Variants in MIDEAS observed in about 807,000 individuals in gnomAD.
The protein encoded by MIDEAS is mitotic deacetylase-associated SANT domain protein.
Under a neutral mutation model 102.7 loss-of-function variants are expected in MIDEAS, and 26 were observed. The observed-to-expected ratio is 0.25, with a 90% CI of 0.19 to 0.35. MIDEAS has a LOEUF of 0.35. Ranked by LOEUF, MIDEAS falls within the 10% of genes least tolerant of loss-of-function variation. The pLI, the probability that MIDEAS is intolerant of heterozygous loss-of-function variation, is 1.00. For missense variants in MIDEAS, 1,231 were observed against 1,435.6 expected (o/e 0.86, Z 2.30); for synonymous variants, 585 against 591.0 (o/e 0.99, Z 0.15).
chr14:73,739,229 CTGCTGCTGCTGCTGCTGTGGT>C lies in MIDEAS; in HGVS notation c.759_779del (p.Pro254_Gln260del), dbSNP rs765347499. 12 of 1,611,568 alleles carry C rather than the reference CTGCTGCTGCTGCTGCTGTGGT, an allele frequency of 7.4e-6. No homozygotes were observed. Among genetic ancestry groups the C allele is most frequent in the East Asian group, 2.2e-5 (1 of 44,870 alleles). On this transcript the variant is annotated inframe_deletion, in exon 2 of 13. Coordinates refer to ENST00000423556, the MANE Select transcript of MIDEAS (RefSeq NM_001367710.1). ...GCATCTGGGGTAGGGCTGCCTGCTG[CTGCTGCTGCTGCTGCTGTGGT>C]TGCTGCTGCTGCTGCTGCTTCTGTG...
intron 1 of MIDEAS, among the ~76,000 whole-genome samples, chr14:73,780,727 T>A (rs1433271560): frequency 6.6e-6 from 1 of 152,224 alleles, no homozygotes; most frequent in African/African-American, 2.4e-5. Flanking sequence ...AGCATTCCTC[T>A]GTCTTCTTGG....
chr14:73,756,266 C>CAG lies in MIDEAS; in HGVS notation c.-248+3495_-248+3496dup, dbSNP rs768216831. On this transcript the variant is annotated intron_variant, in intron 1 of 12. Transcript: ENST00000423556. ...AGTGTGTGACTGCGAGAGCCCATGTCAGTGTGTGTGTGTGTGTGTGTGTGT... is the reference window on the plus strand; with the variant it reads ...AGTGTGTGACTGCGAGAGCCCATGTCAGAGTGTGTGTGTGTGTGTGTGTGTGT... Among the ~76,000 whole-genome samples the CAG allele has an allele frequency of 6.7e-3, 675 of 100,340 alleles. 10 individuals are homozygous for CAG. Among genetic ancestry groups the CAG allele is most frequent in the African/African-American group, 0.036 (642 of 18,048 alleles). The allele number at this position is 100,340 out of a possible 152,430, so 65.8% of individuals were successfully genotyped here.
chr14:73,731,154 G>C (rs1250028137), intron 3 of MIDEAS, among the ~76,000 whole-genome samples: 5 of 152,232 alleles, frequency 3.3e-5, no homozygotes. Flanking sequence ...TAAGAGAACA[G>C]AGGCCTTCCC....
intron 4 of MIDEAS, 60 bp downstream of exon 4, chr14:73,729,580 G>T: frequency 7.2e-7 from 1 of 1,379,966 alleles, no homozygotes; most frequent in Non-Finnish European, 1.0e-6. Flanking sequence ...AGGCTGAGAT[G>T]CCTCCCTGCC....
chr14:73,727,325 CAGA>C, intron 5 of MIDEAS, 130 bp downstream of exon 5: 1 of 935,888 alleles, frequency 1.1e-6, no homozygotes, highest in Non-Finnish European at 1.7e-6. Context: ...GGGCCACATA[CAGA>C]AGCTCAAGGA....
chr14:73,771,796 T>C (rs1304805774), intron 1 of MIDEAS, among the ~76,000 whole-genome samples: 2 of 152,148 alleles, frequency 1.3e-5, no homozygotes, highest in Admixed American at 6.5e-5. Context: ...CTTCAATTAA[T>C]ATGTGCAACA....
intron 1 of MIDEAS, among the ~76,000 whole-genome samples, chr14:73,756,279 T>TGCGCGCGCGC (rs2053478634): frequency 1.1e-5 from 1 of 89,592 alleles, no homozygotes; most frequent in African/African-American, 4.5e-5. Flanking sequence ...TGTGTGTGTG[T>TGCGCGCGCGC]GTGTGTGTGT....
intron 1 of MIDEAS, among the ~76,000 whole-genome samples, chr14:73,745,771 C>A (rs1290208973): frequency 1.3e-5 from 2 of 152,220 alleles, no homozygotes; most frequent in Non-Finnish European, 2.9e-5. Flanking sequence ...GACACATAAG[C>A]ACTATTCTCA....
intron 1 of MIDEAS, among the ~76,000 whole-genome samples, chr14:73,772,957 G>C (rs2053655516): frequency 6.6e-6 from 1 of 151,902 alleles, no homozygotes. Context: ...TCCTGCCTCA[G>C]CCTCCCGAGT....
Position 73,718,597 on chromosome 14 carries a change from A to C in MIDEAS, c.*246T>G. On this transcript the variant is annotated 3_prime_UTR_variant, in exon 13 of 13. Coordinates refer to ENST00000423556, the MANE Select transcript of MIDEAS (RefSeq NM_001367710.1). ...GAGGGGACCGGGACTCTCCCGGTCC[A>C]GGAAAGCACGAGGACAGCTTCCGAC... is the stretch of plus-strand genomic sequence containing the variant. The C allele has an allele frequency of 2.8e-6, 1 of 358,958 alleles. No homozygotes were observed. The allele number at this position is 358,958 out of a possible 1,614,324, so 22.2% of individuals were successfully genotyped here. A position where few individuals can be genotyped will look rare whatever the true frequency, so the allele number is the denominator to read the frequency against.
intron 4 of MIDEAS, 70 bp from the exon 5 acceptor site, chr14:73,727,594 G>A: frequency 7.0e-7 from 1 of 1,422,842 alleles, no homozygotes; most frequent in South Asian, 1.3e-5. Context: ...CCTAGTGGCT[G>A]CCCTGTATGT....
chr14:73,739,480 G>C lies in MIDEAS; in HGVS notation c.529C>G (p.Arg177Gly), dbSNP rs777161811. ...REKAGGPQLD[R>G]YVRPMMPQKV... ...TGTGGCATCATTGGTCGCACATAGC[G>C]GTCCAGCTGTGGGCCCCCCGCTTTC... Residue 177 changes from arginine (R) to glycine (G), a missense_variant, in exon 2 of 13, where the codon CGC (arginine) becomes GGC (glycine). Transcript: ENST00000423556. 6.2e-7 allele frequency: 1 copy of C among 1,610,364 alleles called. No homozygotes were observed. The highest frequency in any genetic ancestry group is 8.5e-7 in the Non-Finnish European group (1 of 1,177,906).
At chr14:73,724,863 A>C (rs2053039988) in intron 9 of MIDEAS, 1 of 185,422 alleles carries the variant, frequency 5.4e-6, no homozygotes, top group East Asian at 1.3e-4. Flanking sequence ...GGAAGTGGGC[A>C]GAGGCCCCCA....
intron 1 of MIDEAS, among the ~76,000 whole-genome samples, chr14:73,748,114 T>C (rs1428492850): frequency 6.6e-6 from 1 of 152,018 alleles, no homozygotes; most frequent in African/African-American, 2.4e-5. Flanking sequence ...CTATTTAACA[T>C]AAAGGAAGAC....
chr14:73,744,010 T>C (rs112815336), intron 1 of MIDEAS, among the ~76,000 whole-genome samples: 325 of 149,364 alleles, frequency 2.2e-3, no homozygotes, highest in African/African-American at 7.5e-3. Flanking sequence ...AGTTCTATGG[T>C]GAGTAGCACT....
At chr14:73,741,088 C>T (rs895516023) in intron 1 of MIDEAS, among the ~76,000 whole-genome samples, 1 of 152,196 alleles carries the variant, frequency 6.6e-6, no homozygotes, top group Non-Finnish European at 1.5e-5. Context: ...CAGCTGACCC[C>T]GCCCCTGCCT....
chr14:73,734,853 T>C (rs2053183251), intron 3 of MIDEAS, among the ~76,000 whole-genome samples: 1 of 152,158 alleles, frequency 6.6e-6, no homozygotes, highest in African/African-American at 2.4e-5. Flanking sequence ...AGAAGAATGC[T>C]GGGGTAATCA....
intron 1 of MIDEAS, among the ~76,000 whole-genome samples, chr14:73,772,738 A>G (rs2053652583): frequency 6.6e-6 from 1 of 151,768 alleles, no homozygotes. Flanking sequence ...TTAAATTCTC[A>G]AGAGCAATAC....
chr14:73,733,942 C>T (rs991228952), intron 3 of MIDEAS, among the ~76,000 whole-genome samples: 2 of 151,686 alleles, frequency 1.3e-5, no homozygotes, highest in African/African-American at 4.9e-5. Context: ...ATCCACCCGC[C>T]TTGGCCTTCC....
Sources: gnomAD v4.1 joint callset for allele counts (sites outside exome capture counted in the v4.1 genomes callset) on GRCh38, gnomAD v4.1.1 for gene constraint, MANE v1.5 for transcripts, NCBI Gene and HGNC (gene_info 2026-07-23, HGNC 2026-07-21) for gene names.